BBX: variants seen among roughly 807,000 people sequenced by gnomAD.
BBX encodes BBX high mobility group box domain containing.
A neutral mutation model predicts 100.2 loss-of-function variants in BBX; 30 were observed. That is an observed-to-expected ratio of 0.30 (90% CI 0.22 to 0.41). The LOEUF is 0.41. BBX is among the 10% of genes least tolerant of loss of function. The pLI, the probability that BBX is intolerant of heterozygous loss-of-function variation, is 1.00. For missense variants in BBX, 1,023 were observed against 1,129.8 expected, an observed-to-expected ratio of 0.91 and a Z score of 1.35; for synonymous variants, 376 against 388.1, an observed-to-expected ratio of 0.97 and a Z score of 0.37.
intron 2 of BBX, among the ~76,000 whole-genome samples, chr3:107,554,724 A>G (rs2049957130): frequency 6.6e-6 from 1 of 152,152 alleles, no homozygotes; most frequent in Non-Finnish European, 1.5e-5. Flanking sequence ...CCCTGTCTCA[A>G]AAGAAAAGGA....
At chr3:107,648,096 T>C (rs968568633) in intron 3 of BBX, among the ~76,000 whole-genome samples, 5 of 152,206 alleles carry the variant, frequency 3.3e-5, no homozygotes, top group Admixed American at 6.5e-5. Flanking sequence ...TGCAAAATAC[T>C]ATCTGCTGCT....
At chr3:107,551,017 G>A (rs1425372636) in intron 2 of BBX, among the ~76,000 whole-genome samples, 1 of 152,052 alleles carries the variant, frequency 6.6e-6, no homozygotes, top group African/African-American at 2.4e-5. Flanking sequence ...CAACTTTTTT[G>A]GAGAGTTTAG....
At chr3:107,801,040 C>A in intron 16 of BBX, 55 bp from the exon 17 acceptor site, 1 of 1,524,554 alleles carries the variant, frequency 6.6e-7, no homozygotes, top group South Asian at 1.2e-5. Flanking sequence ...TTCTATGTCT[C>A]TTCTCTGGAG....
intron 2 of BBX, among the ~76,000 whole-genome samples, chr3:107,532,330 A>T (rs879665752): frequency 3.3e-5 from 5 of 152,132 alleles, no homozygotes; most frequent in Admixed American, 2.6e-4. Flanking sequence ...CTCCTTTTTT[A>T]AAAAAAGTCA....
intron 5 of BBX, among the ~76,000 whole-genome samples, chr3:107,726,857 C>T (rs1413436981): frequency 6.6e-6 from 1 of 152,066 alleles, no homozygotes; most frequent in Non-Finnish European, 1.5e-5. Context: ...AGTCAGTGCT[C>T]ACAGAATATT....
At chr3:107,663,705 A>G (rs984018199) in intron 3 of BBX, among the ~76,000 whole-genome samples, 5 of 151,876 alleles carry the variant, frequency 3.3e-5, no homozygotes, top group Non-Finnish European at 5.9e-5. Context: ...TTTGTAATTC[A>G]TTTATTGTCA....
In BBX at chr3:107,543,798, A is replaced by G. The variant is rs115005833; in HGVS notation, c.-84+17400A>G. ...AAAGCTGTTAGATTTTGTTCTGTCC[A>G]TGAAAGCATAAATTGCTCATAGCTG... On this transcript the variant is annotated intron_variant, in intron 2 of 17. Coordinates refer to ENST00000325805, the MANE Select transcript of BBX (RefSeq NM_001142568.3). Among the ~76,000 whole-genome samples, 897 of 152,334 alleles carry G rather than the reference A, an allele frequency of 5.9e-3. 2 individuals carry two copies. The highest frequency in any genetic ancestry group is 0.01 in the Middle Eastern group (3 of 294).
chr3:107,765,884 A>G (rs2066351351), intron 10 of BBX, among the ~76,000 whole-genome samples: 1 of 152,236 alleles, frequency 6.6e-6, no homozygotes, highest in Non-Finnish European at 1.5e-5. Context: ...TCTTATGGAA[A>G]TGCCTAATAT....
At chr3:107,627,624 A>C (rs2056275942) in intron 2 of BBX, among the ~76,000 whole-genome samples, 1 of 152,148 alleles carries the variant, frequency 6.6e-6, no homozygotes, top group East Asian at 1.9e-4. Flanking sequence ...TTTATGATTG[A>C]ATATCATTTA....
chr3:107,563,377 T>A (rs923776982), intron 2 of BBX, among the ~76,000 whole-genome samples: 1 of 152,180 alleles, frequency 6.6e-6, no homozygotes, highest in Non-Finnish European at 1.5e-5. Context: ...TGTACAAATA[T>A]CTCTATACAA....
chr3:107,756,198 A>G (rs2065461406), intron 10 of BBX, among the ~76,000 whole-genome samples: 1 of 152,160 alleles, frequency 6.6e-6, no homozygotes, highest in South Asian at 2.1e-4. Context: ...TTGCTTTCAT[A>G]AAGCTGGTGA....
chr3:107,782,490 C>G (rs1214510475), intron 13 of BBX, among the ~76,000 whole-genome samples: 1 of 152,048 alleles, frequency 6.6e-6, no homozygotes, highest in Non-Finnish European at 1.5e-5. Flanking sequence ...ATTTGTTTCT[C>G]ACAACAGGTG....
At chr3:107,670,738 G>C (rs1405058809) in intron 3 of BBX, among the ~76,000 whole-genome samples, 2 of 151,912 alleles carry the variant, frequency 1.3e-5, no homozygotes, top group East Asian at 3.9e-4. Context: ...AATAGTAGAG[G>C]GAAGCTTATT....
At chr3:107,715,140 T>C (rs951023788) in intron 4 of BBX, among the ~76,000 whole-genome samples, 1 of 152,192 alleles carries the variant, frequency 6.6e-6, no homozygotes, top group African/African-American at 2.4e-5. Flanking sequence ...AAGTATCTGC[T>C]TGTAACAATT....
chr3:107,733,953 A>G (rs1287403735), intron 7 of BBX, among the ~76,000 whole-genome samples: 1 of 152,148 alleles, frequency 6.6e-6, no homozygotes, highest in Non-Finnish European at 1.5e-5. Context: ...AACAGAGGCC[A>G]ATTGAATTAA....
At chr3:107,728,504 A>T (rs902843611) in intron 5 of BBX, among the ~76,000 whole-genome samples, 3 of 152,060 alleles carry the variant, frequency 2.0e-5, no homozygotes, top group Non-Finnish European at 4.4e-5. Flanking sequence ...AGCTTTTTGG[A>T]TACTATTTTT....
At chr3:107,763,703 T>C (rs1490263588) in intron 10 of BBX, among the ~76,000 whole-genome samples, 1 of 152,172 alleles carries the variant, frequency 6.6e-6, no homozygotes, top group Non-Finnish European at 1.5e-5. Context: ...AGAAGATAAC[T>C]TTTTATACAT....
In BBX at chr3:107,801,225, T is replaced by C. The variant is rs767256637; in HGVS notation, c.2682T>C (p.Ser894=). ...RSSTPEMPAV[S]AFFSLAALAE... ...GTACTCCAGAAATGCCTGCCGTGTC[T>C]GCGTTCTTTAGCCTCGCTGCGCTGG... The change falls in exon 17 of 18, where the codon TCT becomes TCC. Residue 894 remains serine, a synonymous_variant. Coordinates refer to ENST00000325805, the MANE Select transcript of BBX (RefSeq NM_001142568.3). 1 of 1,614,240 alleles carries C rather than the reference T, an allele frequency of 6.2e-7. No individual in the cohort carries two copies. Among genetic ancestry groups the C allele is most frequent in the Admixed American group, 1.7e-5 (1 of 60,028 alleles).
intron 2 of BBX, among the ~76,000 whole-genome samples, chr3:107,572,651 T>C (rs2051456814): frequency 6.6e-6 from 1 of 152,184 alleles, no homozygotes; most frequent in South Asian, 2.1e-4. Flanking sequence ...AACAGGCTGA[T>C]TTTAAAAGTA....
Sources: gnomAD v4.1 joint callset for allele counts (sites outside exome capture counted in the v4.1 genomes callset) on GRCh38, gnomAD v4.1.1 for gene constraint, MANE v1.5 for transcripts, NCBI Gene and HGNC (gene_info 2026-07-23, HGNC 2026-07-21) for gene names.